The following ASZ1 variants were observed in gnomAD, a reference collection of about 807,000 sequenced individuals.
ASZ1 encodes the protein ankyrin repeat, SAM and basic leucine zipper domain containing 1.
Under a neutral mutation model 61.8 loss-of-function variants are expected in ASZ1, and 67 were observed. The ratio of observed to expected loss-of-function variants is 1.08; its 90% CI spans 0.89 to 1.33. The LOEUF (loss-of-function observed/expected upper bound fraction) is 1.33. Ranked by LOEUF, ASZ1 falls within the 40% of genes most tolerant of loss-of-function variation. The pLI, the probability that ASZ1 is intolerant of heterozygous loss-of-function variation, is 0.00. For synonymous variants in ASZ1, 193 were observed against 192.7 expected (o/e 1.00, Z -0.01); for missense variants, 577 against 554.5 (o/e 1.04, Z -0.41).
chr7:117,376,738 C>T (rs555556277), intron 10 of ASZ1, among the ~76,000 whole-genome samples: 7 of 152,226 alleles, frequency 4.6e-5, no homozygotes, highest in African/African-American at 1.7e-4. Flanking sequence ...AATTCCACAA[C>T]CATTCATGAT....
At chr7:117,390,946 C>A (rs979676703) in intron 4 of ASZ1, among the ~76,000 whole-genome samples, 1 of 152,158 alleles carries the variant, frequency 6.6e-6, no homozygotes, top group African/African-American at 2.4e-5. Context: ...TTGGAATCCA[C>A]CTTCCTTGGC....
Position 117,384,729 on chromosome 7 carries a change from A to C in ASZ1, c.684T>G (p.His228Gln). The C allele has an allele frequency of 6.2e-7, 1 of 1,611,884 alleles. No homozygotes were observed. The highest frequency in any genetic ancestry group is 2.2e-5 in the East Asian group (1 of 44,614). Residue 228 changes from histidine to glutamine, a missense_variant, in exon 6 of 13, where the codon CAT becomes CAG. By Grantham distance (24) the His-to-Gln change is conservative. Transcript: ENST00000284629. The part of the protein sequence containing the change: ...PSEIAKRNKH[H>Q]EIFNLLSFTL... Reference sequence around the variant, plus strand: ...TTTAATATGTACAGAAGGATACCTCATGATGTTTGTTTCTTTTTGCAATCT... The same window carrying C: ...TTTAATATGTACAGAAGGATACCTCCTGATGTTTGTTTCTTTTTGCAATCT...
intron 4 of ASZ1, among the ~76,000 whole-genome samples, chr7:117,392,845 T>C (rs918162119): frequency 2.7e-5 from 4 of 147,762 alleles, no homozygotes; most frequent in Non-Finnish European, 5.9e-5. Flanking sequence ...TATTAAGATA[T>C]ATCTTTTTTT....
intron 4 of ASZ1, among the ~76,000 whole-genome samples, chr7:117,416,567 T>C (rs1229374063): frequency 2.0e-5 from 3 of 151,868 alleles, no homozygotes; most frequent in Admixed American, 1.3e-4. Context: ...ACAGAAAAAA[T>C]TTATAGTGGT....
chr7:117,364,485 G>A (rs1466084661), intron 12 of ASZ1, among the ~76,000 whole-genome samples: 2 of 151,784 alleles, frequency 1.3e-5, no homozygotes, highest in African/African-American at 4.8e-5. Flanking sequence ...AAAGAGGGAG[G>A]GCTGAGAGGA....
At chr7:117,375,410 A>G (rs1796119006) in intron 10 of ASZ1, among the ~76,000 whole-genome samples, 1 of 152,136 alleles carries the variant, frequency 6.6e-6, no homozygotes, top group South Asian at 2.1e-4. Flanking sequence ...ACTAAATAAT[A>G]AACTTAAAAA....
At chr7:117,382,222 G>A in intron 7 of ASZ1, 78 bp from the exon 8 acceptor site, 1 of 877,834 alleles carries the variant, frequency 1.1e-6, no homozygotes, top group South Asian at 1.5e-5. Context: ...TATATTGCAA[G>A]AGAATATGAA....
At chr7:117,374,411 C>A (rs907723941) in intron 10 of ASZ1, among the ~76,000 whole-genome samples, 4 of 151,994 alleles carry the variant, frequency 2.6e-5, no homozygotes, top group Non-Finnish European at 4.4e-5. Context: ...AATATATACA[C>A]CAAGCTCCTT....
At chr7:117,401,756 C>T (rs1301001942) in intron 4 of ASZ1, among the ~76,000 whole-genome samples, 1 of 152,194 alleles carries the variant, frequency 6.6e-6, no homozygotes, top group Non-Finnish European at 1.5e-5. Flanking sequence ...GTACAGCCTG[C>T]ATTCCAAGAA....
At chr7:117,383,228 G>A in intron 6 of ASZ1, 118 bp from the exon 7 acceptor site, 1 of 1,152,934 alleles carries the variant, frequency 8.7e-7, no homozygotes, top group Non-Finnish European at 1.1e-6. Context: ...CAAGTAAGTG[G>A]GACAGATGTT....
At chr7:117,377,756 A>T (rs1225962685) in intron 10 of ASZ1, among the ~76,000 whole-genome samples, 2 of 152,282 alleles carry the variant, frequency 1.3e-5, no homozygotes, top group East Asian at 3.9e-4. Flanking sequence ...TTTGAAAAAG[A>T]ACAAAATGGG....
chr7:117,411,924 G>C (rs1038025535), intron 4 of ASZ1, among the ~76,000 whole-genome samples: 1 of 151,702 alleles, frequency 6.6e-6, no homozygotes, highest in Non-Finnish European at 1.5e-5. Flanking sequence ...CTGTCAACAT[G>C]ATAATGGTTC....
chr7:117,376,691 T>C (rs1488979898), intron 10 of ASZ1, among the ~76,000 whole-genome samples: 1 of 152,152 alleles, frequency 6.6e-6, no homozygotes, highest in Admixed American at 6.6e-5. Context: ...AAAAGTCATA[T>C]GGTCGTATCA....
chr7:117,369,701 C>T (rs982872471), intron 10 of ASZ1, among the ~76,000 whole-genome samples: 3 of 152,110 alleles, frequency 2.0e-5, no homozygotes, highest in Admixed American at 6.5e-5. Flanking sequence ...GAAGAATCTA[C>T]GATGATTCTC....
chr7:117,366,778 G>GT (rs1226365980), intron 12 of ASZ1, among the ~76,000 whole-genome samples: 1 of 151,970 alleles, frequency 6.6e-6, no homozygotes, highest in African/African-American at 2.4e-5. Context: ...ATCCACAATC[G>GT]TGTCTCTTTA....
At chr7:117,415,325 C>A (rs1031032698) in intron 4 of ASZ1, among the ~76,000 whole-genome samples, 4 of 152,162 alleles carry the variant, frequency 2.6e-5, no homozygotes, top group African/African-American at 9.7e-5. Context: ...TACTGTCTCA[C>A]TTGAGATATG....
chr7:117,403,066 G>T (rs951073651), intron 4 of ASZ1, among the ~76,000 whole-genome samples: 1 of 152,138 alleles, frequency 6.6e-6, no homozygotes, highest in African/African-American at 2.4e-5. Context: ...AGATAGTGGG[G>T]CTATGTAAAT....
At chr7:117,391,349 T>C (rs1417451686) in intron 4 of ASZ1, among the ~76,000 whole-genome samples, 1 of 152,198 alleles carries the variant, frequency 6.6e-6, no homozygotes, top group Admixed American at 6.5e-5. Flanking sequence ...TTGCATTTGC[T>C]TTTGAGAACT....
At chr7:117,387,440 C>T (rs937015709) in intron 4 of ASZ1, among the ~76,000 whole-genome samples, 4 of 152,078 alleles carry the variant, frequency 2.6e-5, no homozygotes, top group Non-Finnish European at 4.4e-5. Flanking sequence ...CATCTAAATC[C>T]GAACTGTTGA....
Sources: allele counts gnomAD v4.1 joint callset (sites outside exome capture counted in the v4.1 genomes callset), GRCh38; gene constraint gnomAD v4.1.1; transcripts MANE v1.5; gene names NCBI Gene and HGNC (gene_info 2026-07-23, HGNC 2026-07-21).